Variants in CHCHD3 observed in about 807,000 individuals in gnomAD.
The protein encoded by CHCHD3 is MICOS complex subunit MIC19.
Under a neutral mutation model 38.2 loss-of-function variants are expected in CHCHD3, and 20 were observed. The observed-to-expected ratio is 0.52, with a 90% confidence interval of 0.37 to 0.76. The LOEUF (loss-of-function observed/expected upper bound fraction) is 0.76. CHCHD3 is among the 30% of genes least tolerant of loss of function. The pLI, the probability that CHCHD3 is intolerant of heterozygous loss-of-function variation, is 0.00. For missense variants in CHCHD3, 245 were observed against 279.2 expected (o/e 0.88, Z 0.87); for synonymous variants, 82 against 100.0 (o/e 0.82, Z 1.07).
intron 5 of CHCHD3, among the ~76,000 whole-genome samples, chr7:132,871,622 C>T (rs999848260): frequency 3.3e-5 from 5 of 152,180 alleles, no homozygotes; most frequent in Admixed American, 6.5e-5. Context: ...CCGCTGCCCA[C>T]GTCACATCAC....
chr7:133,057,023 C>T (rs1157147039), intron 2 of CHCHD3, among the ~76,000 whole-genome samples: 2 of 152,172 alleles, frequency 1.3e-5, no homozygotes, highest in Non-Finnish European at 2.9e-5. Context: ...GGGTTCATTT[C>T]CTCTGTAGCC....
At chr7:132,935,773 A>G (rs1306165522) in intron 4 of CHCHD3, among the ~76,000 whole-genome samples, 1 of 152,174 alleles carries the variant, frequency 6.6e-6, no homozygotes, top group Non-Finnish European at 1.5e-5. Flanking sequence ...ACAGAATACC[A>G]AAGACTGGGT....
At chr7:132,927,749 A>C (rs1253412529) in intron 4 of CHCHD3, among the ~76,000 whole-genome samples, 4 of 152,192 alleles carry the variant, frequency 2.6e-5, no homozygotes, top group Non-Finnish European at 5.9e-5. Context: ...GCACTGGAGG[A>C]ACACAATCTT....
chr7:132,955,543 T>TG (rs991594002), intron 4 of CHCHD3, among the ~76,000 whole-genome samples: 5 of 121,424 alleles, frequency 4.1e-5, no homozygotes, highest in Non-Finnish European at 8.8e-5. Context: ...GGGTTTTTTG[T>TG]TTTTTTTTTT....
intron 4 of CHCHD3, among the ~76,000 whole-genome samples, chr7:132,898,628 C>A (rs915793621): frequency 3.9e-5 from 6 of 152,120 alleles, no homozygotes; most frequent in Admixed American, 3.3e-4. Flanking sequence ...CTTGGGTGGT[C>A]GATGGGACTG....
At chr7:132,994,421 T>G (rs1031853625) in intron 3 of CHCHD3, among the ~76,000 whole-genome samples, 2 of 152,196 alleles carry the variant, frequency 1.3e-5, no homozygotes, top group African/African-American at 4.8e-5. Flanking sequence ...TTAAACTTCA[T>G]GGCCAGCACC....
chr7:132,876,867 T>C (rs994713069), intron 5 of CHCHD3, among the ~76,000 whole-genome samples: 2 of 152,186 alleles, frequency 1.3e-5, no homozygotes, highest in African/African-American at 4.8e-5. Context: ...TAGTGTCTTG[T>C]AAATTTGATT....
rs148418458 is a variant in CHCHD3, at chr7:132,966,208, A to G, written c.369+8961T>C. 5.7e-3 allele frequency among the ~76,000 whole-genome samples: 868 copies of G among 152,344 alleles called. 7 individuals carry two copies. The highest frequency in any genetic ancestry group is 0.02 in the African/African-American group (830 of 41,588). ...AGATTCCTGCTCTTGAGAGAACGGA[A>G]GCCTTACTTCATTTGGTAATTCTGC... is the stretch of plus-strand genomic sequence containing the variant. On this transcript the variant is annotated intron_variant, in intron 4 of 7. Transcript: ENST00000262570.
rs367631421 is a variant in CHCHD3 at position 132,821,546 on chromosome 7, G to A, written c.524+16853C>T. On this transcript the variant is annotated intron_variant, in intron 6 of 7. Coordinates refer to ENST00000262570, the MANE Select transcript of CHCHD3 (RefSeq NM_017812.4). ...ATCAGGAAGACCAGGAACCACAGAC[G>A]AGAGAAAATAAGCATATTTTCTGGT... Among the ~76,000 whole-genome samples the A allele has an allele frequency of 3.9e-5, 6 of 152,128 alleles. 1 individual carries two copies. The South Asian group carries it at 6.2e-4, about 16-fold the overall frequency.
At chr7:132,795,734 T>C (rs1388567971) in intron 7 of CHCHD3, among the ~76,000 whole-genome samples, 2 of 152,210 alleles carry the variant, frequency 1.3e-5, no homozygotes, top group African/African-American at 2.4e-5. Context: ...AGAACAACCA[T>C]ATCCAACTGT....
At chr7:132,989,693 T>A (rs1385981220) in intron 3 of CHCHD3, among the ~76,000 whole-genome samples, 2 of 152,180 alleles carry the variant, frequency 1.3e-5, no homozygotes. Flanking sequence ...TGTTCCTATA[T>A]CCATGGCTCC....
At chr7:132,972,655 T>C (rs1308010275) in intron 4 of CHCHD3, 7 of 985,452 alleles carry the variant, frequency 7.1e-6, no homozygotes, top group Non-Finnish European at 8.4e-6. Flanking sequence ...TGGCAGACCA[T>C]GCAAATGTCT....
chr7:132,893,145 T>C (rs1267126086), intron 4 of CHCHD3, among the ~76,000 whole-genome samples: 1 of 152,120 alleles, frequency 6.6e-6, no homozygotes, highest in African/African-American at 2.4e-5. Flanking sequence ...GAGAGCAGCA[T>C]GGGGGCAGTA....
intron 5 of CHCHD3, 61 bp downstream of exon 5, chr7:132,885,601 A>C (rs1809185816): frequency 3.1e-6 from 4 of 1,289,056 alleles, no homozygotes; most frequent in Non-Finnish European, 4.3e-6. Context: ...TTAATTTTTA[A>C]ATAAATATAC....
intron 6 of CHCHD3, among the ~76,000 whole-genome samples, chr7:132,804,462 C>T (rs536311309): frequency 5.3e-5 from 8 of 152,164 alleles, no homozygotes; most frequent in African/African-American, 1.4e-4. Flanking sequence ...TCGGGTGGTG[C>T]GAAGTTTGGT....
intron 3 of CHCHD3, among the ~76,000 whole-genome samples, chr7:133,001,562 T>G (rs902455541): frequency 1.1e-4 from 16 of 152,214 alleles, no homozygotes; most frequent in African/African-American, 3.6e-4. Context: ...AAAAAAAGTC[T>G]TCTTATTTCT....
intron 3 of CHCHD3, among the ~76,000 whole-genome samples, chr7:132,989,037 A>C (rs1375600334): frequency 2.0e-5 from 3 of 152,220 alleles, no homozygotes; most frequent in Non-Finnish European, 4.4e-5. Flanking sequence ...ACATCTAGAG[A>C]TGATGTAAAG....
intron 1 of CHCHD3, among the ~76,000 whole-genome samples, chr7:133,074,795 A>G (rs975658989): frequency 4.6e-5 from 7 of 151,886 alleles, no homozygotes; most frequent in Admixed American, 4.6e-4. Flanking sequence ...AAAAGTTACT[A>G]TTTTCATCTG....
intron 3 of CHCHD3, among the ~76,000 whole-genome samples, chr7:132,981,142 A>T (rs369759902): frequency 2.0e-5 from 3 of 151,414 alleles, no homozygotes; most frequent in African/African-American, 7.3e-5. Context: ...CATGCCACCA[A>T]GCCTGGCTGA....
Sources: gnomAD v4.1 joint callset for allele counts (sites outside exome capture counted in the v4.1 genomes callset) on GRCh38, gnomAD v4.1.1 for gene constraint, MANE v1.5 for transcripts, NCBI Gene and HGNC (gene_info 2026-07-23, HGNC 2026-07-21) for gene names.